The following CDK5RAP2 variants were observed in gnomAD, a reference collection of about 807,000 sequenced individuals.
The protein encoded by CDK5RAP2 is CDK5 regulatory subunit-associated protein 2.
CDK5RAP2 carries 147 observed loss-of-function variants against 232.9 expected under a neutral mutation model. The ratio of observed to expected loss-of-function variants is 0.63; its 90% CI spans 0.55 to 0.72. The LOEUF (loss-of-function observed/expected upper bound fraction) is 0.72, where lower values mean the gene tolerates loss of function less well. Among genes scored for constraint, CDK5RAP2 ranks in the 30% least tolerant of loss-of-function variants. CDK5RAP2 has a pLI of 0.00. For synonymous variants in CDK5RAP2, 833 were observed against 833.7 expected (o/e 1.00, Z 0.01); for missense variants, 2,195 against 2,231.5 (o/e 0.98, Z 0.33).
At chr9:120,538,869 T>C (rs1434447678) in intron 6 of CDK5RAP2, among the ~76,000 whole-genome samples, 172 bp downstream of exon 6, 2 of 152,204 alleles carry the variant, frequency 1.3e-5, no homozygotes, top group Non-Finnish European at 2.9e-5. Context: ...AAAGGGGTTA[T>C]AAATTATACA....
chr9:120,546,003 G>A (rs1001826599), intron 4 of CDK5RAP2, among the ~76,000 whole-genome samples: 1 of 152,208 alleles, frequency 6.6e-6, no homozygotes, highest in Non-Finnish European at 1.5e-5. Context: ...GATTTTGTGA[G>A]ACTTGGAACA....
At chr9:120,397,012 C>T (rs2032523964) in intron 35 of CDK5RAP2, among the ~76,000 whole-genome samples, 1 of 152,162 alleles carries the variant, frequency 6.6e-6, no homozygotes, top group Admixed American at 6.5e-5. Context: ...CGCAAGGGAT[C>T]AAATGAGATG....
chr9:120,413,386 C>T (rs1322387970), intron 28 of CDK5RAP2, among the ~76,000 whole-genome samples: 1 of 152,214 alleles, frequency 6.6e-6, no homozygotes, highest in Non-Finnish European at 1.5e-5. Flanking sequence ...GAAGCCATAC[C>T]TTTCTCAGGC....
At chr9:120,578,431 G>A (rs1395413570) in intron 1 of CDK5RAP2, among the ~76,000 whole-genome samples, 1 of 152,132 alleles carries the variant, frequency 6.6e-6, no homozygotes, top group Non-Finnish European at 1.5e-5. Context: ...CAATTAGACA[G>A]GAACTGCAAA....
intron 11 of CDK5RAP2, among the ~76,000 whole-genome samples, chr9:120,519,802 A>G (rs537514786): frequency 6.6e-6 from 1 of 152,336 alleles, no homozygotes; most frequent in East Asian, 1.9e-4. Flanking sequence ...CTGAATAAGT[A>G]TCATTTTCTT....
At chr9:120,432,961 T>C (rs1256369715) in intron 25 of CDK5RAP2, among the ~76,000 whole-genome samples, 2 of 152,172 alleles carry the variant, frequency 1.3e-5, no homozygotes, top group African/African-American at 4.8e-5. Context: ...TAGAATACCC[T>C]TAGCTACAAG....
intron 3 of CDK5RAP2, among the ~76,000 whole-genome samples, chr9:120,565,381 C>T (rs1459357495): frequency 6.6e-6 from 1 of 152,164 alleles, no homozygotes; most frequent in Non-Finnish European, 1.5e-5. Context: ...CCTTGCTCCC[C>T]TCCAAACTCT....
Position 120,439,403 on chromosome 9 carries a change from G to A in CDK5RAP2, c.3718C>T (p.Pro1240Ser), listed in dbSNP as rs1166838159. 1 of 1,613,530 alleles carries A rather than the reference G, an allele frequency of 6.2e-7. No individual in the cohort carries two copies. Among genetic ancestry groups the A allele is most frequent in the Admixed American group, 1.7e-5 (1 of 60,020 alleles). Residue 1240 changes from proline (P) to serine (S), a missense_variant, in exon 24 of 38, where the codon CCC becomes TCC. Coordinates refer to ENST00000349780, the MANE Select transcript of CDK5RAP2 (RefSeq NM_018249.6). Reference sequence around the variant, plus strand: ...GACGGCAGAGGTGGAACGTACCTGGGAGGTGAGAGATCTCTGAACTTATTC... The same window carrying A: ...GACGGCAGAGGTGGAACGTACCTGGAAGGTGAGAGATCTCTGAACTTATTC... ...LQNKFRDLSP[P>S]RYDSLVQSQA...
chr9:120,416,248 A>G lies in CDK5RAP2; in HGVS notation c.4178-1089T>C, dbSNP rs556009156. ...GCCCCTCCAACAACTTCTGAGGCCAATCGCAAGCCCCCAGTTGTTTCACCT... is the reference window on the plus strand; with the variant it reads ...GCCCCTCCAACAACTTCTGAGGCCAGTCGCAAGCCCCCAGTTGTTTCACCT... On this transcript the variant is annotated intron_variant, in intron 27 of 37. Coordinates refer to ENST00000349780, the MANE Select transcript of CDK5RAP2 (RefSeq NM_018249.6). 1.1e-3 allele frequency among the ~76,000 whole-genome samples: 161 copies of G among 152,332 alleles called. 1 individual carries two copies. Among genetic ancestry groups the G allele is most frequent in the African/African-American group, 3.8e-3 (158 of 41,576 alleles).
Position 120,528,725 on chromosome 9 carries a change from T to A in CDK5RAP2, c.879+19A>T, listed in dbSNP as rs750185351. On this transcript the variant is annotated intron_variant, in intron 9 of 37. Coordinates refer to ENST00000349780, the MANE Select transcript of CDK5RAP2 (RefSeq NM_018249.6). ...TAGGCTAAATCTTCAATACATTTTT[T>A]AAAATTGTATCAACATACCTGGATC... The A allele has an allele frequency of 2.0e-6, 3 of 1,491,192 alleles. No homozygotes were observed. The highest frequency in any genetic ancestry group is 1.1e-5 in the South Asian group (1 of 88,598). 92.4% of individuals were successfully genotyped at this position (1,491,192 alleles called of 1,614,324 possible). A position where few individuals can be genotyped will look rare whatever the true frequency, so the allele number is the denominator to read the frequency against.
Position 120,422,677 on chromosome 9 carries a change from A to C in CDK5RAP2, c.4004+16T>G, listed in dbSNP as rs779830638. The C allele has an allele frequency of 1.2e-6, 2 of 1,603,632 alleles. No homozygotes were observed. The highest frequency in any genetic ancestry group is 3.3e-5 in the Admixed American group (2 of 59,990). On this transcript the variant is annotated intron_variant, in intron 26 of 37. Transcript: ENST00000349780. ...AAAGTCCTGGGAAGTCTTCTTAACA[A>C]ATGTTACACACTCACCTCTCCATCA... is the stretch of plus-strand genomic sequence containing the variant.
Position 120,462,330 on chromosome 9 carries a change from T to C in CDK5RAP2, c.2107-1663A>G, listed in dbSNP as rs572538977. On this transcript the variant is annotated intron_variant, in intron 18 of 37. Transcript: ENST00000349780. ...TCGAGTGATAAAGACTAACTGGAAC[T>C]ATCAAACTTGTTGGTGGGAATATAA... Among the ~76,000 whole-genome samples the C allele has an allele frequency of 1.4e-3, 213 of 152,248 alleles. 1 individual carries two copies. The highest frequency in any genetic ancestry group is 5.0e-3 in the African/African-American group (208 of 41,536).
At chr9:120,474,066 C>G (rs1389782084) in intron 15 of CDK5RAP2, among the ~76,000 whole-genome samples, 1 of 152,222 alleles carries the variant, frequency 6.6e-6, no homozygotes, top group African/African-American at 2.4e-5. Flanking sequence ...GCCACCACTA[C>G]TGGGCAAGCC....
At position 120,518,403 on chromosome 9, in the gene CDK5RAP2, TCAGAAGGG is replaced by T; in HGVS notation, c.1311+16_1311+23del. On this transcript the variant is annotated intron_variant, in intron 12 of 37. Transcript: ENST00000349780. ...AGCCCCAAAAGCACTGTCCACTGTG[TCAGAAGGG>T]CAGGGCGGTACTCACACGGATGGTG... 4.4e-6 allele frequency: 7 copies of T among 1,599,912 alleles called. No homozygotes were observed. The highest frequency in any genetic ancestry group is 6.0e-6 in the Non-Finnish European group (7 of 1,168,258).
intron 26 of CDK5RAP2, among the ~76,000 whole-genome samples, chr9:120,421,803 C>T (rs2034582986): frequency 6.6e-6 from 1 of 152,200 alleles, no homozygotes; most frequent in African/African-American, 2.4e-5. Flanking sequence ...TAGGCTTTGC[C>T]CTCAAAAGAC....
intron 22 of CDK5RAP2, 124 bp from the exon 23 acceptor site, chr9:120,443,866 A>T (rs536093296): frequency 1.7e-6 from 2 of 1,204,058 alleles, no homozygotes; most frequent in East Asian, 4.9e-5. Flanking sequence ...GGCAAAATGC[A>T]ATTTATAAGA....
At chr9:120,469,434 T>A (rs1381502317) in intron 17 of CDK5RAP2, among the ~76,000 whole-genome samples, 1 of 152,210 alleles carries the variant, frequency 6.6e-6, no homozygotes, top group African/African-American at 2.4e-5. Context: ...GTCTCTTCTA[T>A]CAGAATGTAA....
intron 6 of CDK5RAP2, among the ~76,000 whole-genome samples, chr9:120,536,820 G>A (rs1252485048): frequency 1.3e-5 from 2 of 152,138 alleles, no homozygotes; most frequent in East Asian, 1.9e-4. Context: ...AGAACAAGAA[G>A]AAATGCTCCT....
At chr9:120,410,760 T>C (rs1267418250) in intron 29 of CDK5RAP2, among the ~76,000 whole-genome samples, 1 of 152,230 alleles carries the variant, frequency 6.6e-6, no homozygotes, top group African/African-American at 2.4e-5. Context: ...TACCACATTC[T>C]AGCTCTGTGA....
Sources: gnomAD v4.1 joint callset for allele counts (sites outside exome capture counted in the v4.1 genomes callset) on GRCh38, gnomAD v4.1.1 for gene constraint, MANE v1.5 for transcripts, NCBI Gene and HGNC (gene_info 2026-07-23, HGNC 2026-07-21) for gene names.